SIK3: variants seen among roughly 807,000 people sequenced by gnomAD.
SIK3 encodes serine/threonine-protein kinase SIK3.
In SIK3, 28 loss-of-function variants were observed where a neutral mutation model predicts 144.2. That is an observed-to-expected ratio of 0.19 (90% confidence interval 0.14 to 0.27). The LOEUF is 0.27. Ranked by LOEUF, SIK3 falls within the 10% of genes least tolerant of loss-of-function variation. The pLI, the probability that SIK3 is intolerant of heterozygous loss-of-function variation, is 1.00. For synonymous variants in SIK3, 686 were observed against 676.3 expected, an observed-to-expected ratio of 1.01 and a Z score of -0.22; for missense variants, 1,319 against 1,776.0, an observed-to-expected ratio of 0.74 and a Z score of 4.62.
chr11:116,889,919 T>C (rs1033630062), intron 6 of SIK3, among the ~76,000 whole-genome samples: 1 of 152,058 alleles, frequency 6.6e-6, no homozygotes, highest in Non-Finnish European at 1.5e-5. Flanking sequence ...AAAAAAGAAA[T>C]TATTTTATAA....
chr11:116,918,711 C>T (rs977592252), intron 4 of SIK3, among the ~76,000 whole-genome samples: 4 of 152,104 alleles, frequency 2.6e-5, no homozygotes, highest in African/African-American at 4.8e-5. Context: ...TACGAGAAAC[C>T]GTAGGCTAAA....
At chr11:117,005,229 G>T (rs1183518451) in intron 1 of SIK3, among the ~76,000 whole-genome samples, 1 of 151,496 alleles carries the variant, frequency 6.6e-6, no homozygotes, top group Admixed American at 6.6e-5. Context: ...GATCACCTGA[G>T]GTCAGGAGTT....
intron 4 of SIK3, 43 bp from the exon 5 acceptor site, chr11:116,897,360 T>C: frequency 6.4e-7 from 1 of 1,571,878 alleles, no homozygotes; most frequent in Non-Finnish European, 8.7e-7. Context: ...TGTAACCTTT[T>C]ATTATAACTG....
At chr11:117,028,221 AT>A (rs1208957195) in intron 1 of SIK3, among the ~76,000 whole-genome samples, 1 of 152,138 alleles carries the variant, frequency 6.6e-6, no homozygotes, top group African/African-American at 2.4e-5. Context: ...TGACTCCAAA[AT>A]CTGTGACTTT....
At chr11:117,070,752 CTTTTTTT>C (rs368884148) in intron 1 of SIK3, among the ~76,000 whole-genome samples, 1 of 128,148 alleles carries the variant, frequency 7.8e-6, no homozygotes, top group Non-Finnish European at 1.6e-5. Context: ...GGCCCTTTTT[CTTTTTTT>C]TTTTTTTTTT....
chr11:116,859,146 A>G (rs1023301186), intron 20 of SIK3, 119 bp downstream of exon 20: 4 of 934,704 alleles, frequency 4.3e-6, no homozygotes, highest in African/African-American at 3.3e-5. Context: ...AAAGCGTGAA[A>G]CAAGAGCACA....
intron 15 of SIK3, chr11:116,864,532 C>A (rs1311772393): frequency 6.6e-6 from 1 of 152,364 alleles, no homozygotes; most frequent in East Asian, 1.9e-4. Context: ...AAAGACCCCA[C>A]TGCTCAACTG....
intron 1 of SIK3, among the ~76,000 whole-genome samples, chr11:117,048,310 T>G (rs1953054895): frequency 6.6e-6 from 1 of 152,166 alleles, no homozygotes; most frequent in Non-Finnish European, 1.5e-5. Context: ...CCAGATTTAT[T>G]TACCTTTAAA....
chr11:116,930,662 G>C (rs559823260), intron 3 of SIK3, among the ~76,000 whole-genome samples: 1 of 152,226 alleles, frequency 6.6e-6, no homozygotes, highest in East Asian at 1.9e-4. Context: ...GCTTCTTCCA[G>C]GCAATTCAGT....
chr11:116,899,048 T>C (rs984019629), intron 4 of SIK3, among the ~76,000 whole-genome samples: 6 of 151,878 alleles, frequency 4.0e-5, no homozygotes, highest in African/African-American at 1.5e-4. Flanking sequence ...TCCTTGCCCA[T>C]GCCTATGTCC....
chr11:116,859,404 A>G lies in SIK3; in HGVS notation c.2626T>C (p.Ser876Pro), dbSNP rs149883541. ...LSNMPGTAAG[S>P]SGRGISISPS... The stretch of plus-strand genomic sequence containing the variant: ...CTGATGGAGATGCCGCGCCCACTGG[A>G]GCCTGCAGCTGTGCCTGGCATGTTG... Residue 876 changes from serine to proline, a missense_variant, in exon 20 of 25, where the codon TCC becomes CCC. Transcript: ENST00000445177. 6.2e-7 allele frequency: 1 copy of G among 1,614,186 alleles called. No individual in the cohort carries two copies. The highest frequency in any genetic ancestry group is 8.5e-7 in the Non-Finnish European group (1 of 1,180,042).
chr11:116,868,349 A>C (rs1943767689), intron 14 of SIK3, among the ~76,000 whole-genome samples: 2 of 152,234 alleles, frequency 1.3e-5, no homozygotes, highest in African/African-American at 4.8e-5. Flanking sequence ...CTAGCTCACA[A>C]AGATGAGATC....
intron 4 of SIK3, among the ~76,000 whole-genome samples, chr11:116,908,432 TCACGCCACTG>T (rs1171300048): frequency 6.6e-6 from 1 of 152,112 alleles, no homozygotes; most frequent in Non-Finnish European, 1.5e-5. Flanking sequence ...TGGGCTGTGA[TCACGCCACTG>T]CACTGCAGCC....
intron 1 of SIK3, among the ~76,000 whole-genome samples, chr11:117,046,381 CA>C (rs1952965740): frequency 2.0e-5 from 3 of 152,236 alleles, no homozygotes; most frequent in African/African-American, 7.2e-5. Context: ...CGGCACTATT[CA>C]AAAGTTTTGC....
intron 4 of SIK3, among the ~76,000 whole-genome samples, chr11:116,914,758 G>C (rs1370742120): frequency 6.6e-6 from 1 of 152,148 alleles, no homozygotes; most frequent in Non-Finnish European, 1.5e-5. Flanking sequence ...CACTCAATCT[G>C]ATCAAGAAAA....
At chr11:117,066,073 C>CTT (rs5795060) in intron 1 of SIK3, among the ~76,000 whole-genome samples, 5,510 of 140,554 alleles carry the variant, frequency 0.039, 357 homozygotes, top group African/African-American at 0.13. Context: ...TTCTTTTCTT[C>CTT]TTTTTTTTTT....
At chr11:116,853,922 T>G (rs1352162308) in intron 21 of SIK3, among the ~76,000 whole-genome samples, 1 of 152,220 alleles carries the variant, frequency 6.6e-6, no homozygotes, top group African/African-American at 2.4e-5. Flanking sequence ...ATCCTGACAC[T>G]TCTACAAATT....
intron 1 of SIK3, among the ~76,000 whole-genome samples, chr11:117,055,043 C>G (rs898609992): frequency 6.6e-6 from 1 of 152,146 alleles, no homozygotes; most frequent in Non-Finnish European, 1.5e-5. Flanking sequence ...AAAATAAGTT[C>G]ATTATCACCC....
At chr11:116,847,014 C>G (rs1041580496) in intron 23 of SIK3, among the ~76,000 whole-genome samples, 2 of 152,208 alleles carry the variant, frequency 1.3e-5, no homozygotes, top group Admixed American at 6.5e-5. Context: ...GTTTTTGCCA[C>G]TTTACAGATG....
Sources: gnomAD v4.1 joint callset for allele counts (sites outside exome capture counted in the v4.1 genomes callset) on GRCh38, gnomAD v4.1.1 for gene constraint, MANE v1.5 for transcripts, NCBI Gene and HGNC (gene_info 2026-07-23, HGNC 2026-07-21) for gene names.